The following NOVA1 variants were observed in gnomAD, a reference collection of about 807,000 sequenced individuals.
NOVA1 encodes the protein RNA-binding protein Nova-1.
In NOVA1, 7 loss-of-function variants were observed where a neutral mutation model predicts 38.0. The observed-to-expected ratio is 0.18, with a 90% CI of 0.10 to 0.35. The LOEUF is 0.35. Among genes scored for constraint, NOVA1 ranks in the 10% least tolerant of loss-of-function variants. The pLI is 1.00. For synonymous variants in NOVA1, 270 were observed against 232.5 expected (o/e 1.16, Z -1.47); for missense variants, 460 against 616.0 (o/e 0.75, Z 2.68).
At chr14:26,515,595 A>T (rs965056121) in intron 2 of NOVA1, among the ~76,000 whole-genome samples, 5 of 152,022 alleles carry the variant, frequency 3.3e-5, no homozygotes, top group Non-Finnish European at 7.4e-5. Context: ...CAGTATCTAT[A>T]GTCTATCATG....
chr14:26,476,394 C>T (rs1034841139), intron 3 of NOVA1, among the ~76,000 whole-genome samples: 1 of 152,094 alleles, frequency 6.6e-6, no homozygotes, highest in African/African-American at 2.4e-5. Context: ...ATCTGTATTC[C>T]ATAGGATGTC....
intron 2 of NOVA1, chr14:26,568,510 A>C (rs1264723613): frequency 3.9e-5 from 6 of 152,174 alleles, no homozygotes; most frequent in Non-Finnish European, 8.8e-5. Context: ...AAAACCTAAC[A>C]TGCTTTTTTA....
chr14:26,535,781 A>G (rs752497375), intron 2 of NOVA1, among the ~76,000 whole-genome samples: 5 of 151,408 alleles, frequency 3.3e-5, no homozygotes, highest in Non-Finnish European at 7.4e-5. Flanking sequence ...CGCGGTGAAA[A>G]CCCGTCTCTA....
intron 2 of NOVA1, among the ~76,000 whole-genome samples, chr14:26,481,124 C>A (rs1000252825): frequency 6.6e-6 from 1 of 152,016 alleles, no homozygotes; most frequent in Non-Finnish European, 1.5e-5. Context: ...GTAATCTTCT[C>A]AGTGACCCAA....
chr14:26,485,360 A>C (rs1402821696), intron 2 of NOVA1, among the ~76,000 whole-genome samples: 1 of 152,184 alleles, frequency 6.6e-6, no homozygotes, highest in African/African-American at 2.4e-5. Flanking sequence ...AAAAGCAGAT[A>C]TATTTCGGAA....
intron 2 of NOVA1, among the ~76,000 whole-genome samples, chr14:26,505,472 T>TA (rs1219903134): frequency 6.6e-6 from 1 of 152,108 alleles, no homozygotes; most frequent in Non-Finnish European, 1.5e-5. Context: ...ACCATGACTG[T>TA]AAGTTTCCGG....
At chr14:26,451,022 T>C (rs1272772810) in intron 4 of NOVA1, among the ~76,000 whole-genome samples, 1 of 152,166 alleles carries the variant, frequency 6.6e-6, no homozygotes, top group Non-Finnish European at 1.5e-5. Context: ...TAAGTAATCA[T>C]TTTTGTTTTG....
Position 26,578,579 on chromosome 14 carries a change from G to A in NOVA1, c.280+16831C>T, listed in dbSNP as rs1032228409. Among the ~76,000 whole-genome samples, 8 of 152,116 alleles carry A rather than the reference G, an allele frequency of 5.3e-5. No homozygotes were observed. In the South Asian group the frequency reaches 6.2e-4, roughly 12 times the overall value. On this transcript the variant is annotated intron_variant, in intron 2 of 4. Coordinates refer to ENST00000539517, the MANE Select transcript of NOVA1 (RefSeq NM_002515.3). ...AGTATTCAGATACTCATATACTTAG[G>A]TAGGTAGATCTGGTGGTAGGAGCTT...
intron 2 of NOVA1, among the ~76,000 whole-genome samples, chr14:26,505,405 CTT>C (rs1887571574): frequency 6.6e-6 from 1 of 152,028 alleles, no homozygotes; most frequent in African/African-American, 2.4e-5. Context: ...GCTCTTCCCA[CTT>C]CTCTCTCTCT....
intron 2 of NOVA1, among the ~76,000 whole-genome samples, chr14:26,523,748 ATT>A (rs1182238464): frequency 1.0e-4 from 11 of 108,610 alleles, no homozygotes; most frequent in South Asian, 3.0e-4. Context: ...CCACTTGAAG[ATT>A]TTTTTTTTTT....
intron 4 of NOVA1, among the ~76,000 whole-genome samples, chr14:26,459,185 A>G (rs930921309): frequency 6.6e-6 from 1 of 152,088 alleles, no homozygotes; most frequent in Non-Finnish European, 1.5e-5. Flanking sequence ...ATACAGGAGT[A>G]TATTATATTA....
intron 2 of NOVA1, among the ~76,000 whole-genome samples, chr14:26,588,723 T>G (rs747417912): frequency 6.6e-6 from 1 of 151,492 alleles, no homozygotes; most frequent in Non-Finnish European, 1.5e-5. Context: ...TTTAAAGTAT[T>G]TTTATATTGA....
chr14:26,583,912 C>T (rs372905041), intron 2 of NOVA1, among the ~76,000 whole-genome samples: 2 of 110,790 alleles, frequency 1.8e-5, no homozygotes, highest in African/African-American at 2.7e-5. Context: ...CACACACACA[C>T]ACACACACAT....
chr14:26,474,640 C>T (rs896935401), intron 3 of NOVA1, among the ~76,000 whole-genome samples: 2 of 151,776 alleles, frequency 1.3e-5, no homozygotes, highest in Admixed American at 6.6e-5. Context: ...AATTTCTAGA[C>T]AATATCAATG....
chr14:26,546,200 TAAG>T (rs1372355302), intron 2 of NOVA1, among the ~76,000 whole-genome samples: 2 of 152,076 alleles, frequency 1.3e-5, no homozygotes, highest in Non-Finnish European at 2.9e-5. Context: ...TTTTGGATAA[TAAG>T]AAATGGTGTA....
At chr14:26,453,201 TATG>T (rs879424363) in intron 4 of NOVA1, among the ~76,000 whole-genome samples, 903 of 70,664 alleles carry the variant, frequency 0.013, 3 homozygotes, top group Non-Finnish European at 0.018. Context: ...TGTATGTATG[TATG>T]TATGTATTTA....
chr14:26,542,155 A>G (rs540632688), intron 2 of NOVA1, among the ~76,000 whole-genome samples: 1 of 152,074 alleles, frequency 6.6e-6, no homozygotes, highest in South Asian at 2.1e-4. Flanking sequence ...ATAAGGAAGA[A>G]AAAAGATCAC....
chr14:26,502,716 A>G (rs1887330139), intron 2 of NOVA1, among the ~76,000 whole-genome samples: 1 of 151,932 alleles, frequency 6.6e-6, no homozygotes, highest in Non-Finnish European at 1.5e-5. Context: ...TCAAACATAA[A>G]CAATTGGATT....
At chr14:26,595,903 A>C in intron 1 of NOVA1, 1 of 391,352 alleles carries the variant, frequency 2.6e-6, no homozygotes, top group Admixed American at 3.6e-5. Flanking sequence ...CTGACCCTTT[A>C]ACAAAACTTC....
Sources: allele counts gnomAD v4.1 joint callset (sites outside exome capture counted in the v4.1 genomes callset), GRCh38; gene constraint gnomAD v4.1.1; transcripts MANE v1.5; gene names NCBI Gene and HGNC (gene_info 2026-07-23, HGNC 2026-07-21).